SLC36A1: variants seen among roughly 807,000 people sequenced by gnomAD.
SLC36A1 encodes solute carrier family 36 member 1.
In SLC36A1, 30 loss-of-function variants were observed where a neutral mutation model predicts 47.5. That is an observed-to-expected ratio of 0.63 (90% CI 0.47 to 0.86). SLC36A1 has a LOEUF of 0.86. Among genes scored for constraint, SLC36A1 ranks in the 40% least tolerant of loss-of-function variants. The pLI, the probability that SLC36A1 is intolerant of heterozygous loss-of-function variation, is 0.00. For synonymous variants in SLC36A1, 255 were observed against 249.7 expected (o/e 1.02, Z -0.20); for missense variants, 517 against 606.0 (o/e 0.85, Z 1.54).
At chr5:151,415,515 C>T in the SLC36A1 span, among the ~76,000 whole-genome samples, 3 of 152,146 alleles carry the variant, frequency 2.0e-5, no homozygotes, top group Non-Finnish European at 2.9e-5. Flanking sequence ...CCCTTCAACT[C>T]GTAGCTTAAA....
In SLC36A1 at chr5:151,458,870, G is replaced by T; in HGVS notation, c.78G>T (p.Ser26=). 1 of 1,614,016 alleles carries T rather than the reference G, an allele frequency of 6.2e-7. No individual in the cohort carries two copies. Among genetic ancestry groups the T allele is most frequent in the South Asian group, 1.1e-5 (1 of 91,070 alleles). ...ACGTGAGCCCTGAGGAGAGCCCGTC[G>T]GAAGGCCTCAACAACCTCTCCTCCC... ...STDVSPEESP[S]EGLNNLSSPG... is the part of the protein sequence containing the mutation. The change falls in exon 2 of 11, where the codon TCG becomes TCT. Residue 26 remains serine (S), a synonymous_variant. Transcript: ENST00000243389.
chr5:151,483,268 G>C (rs537317185), intron 10 of SLC36A1, among the ~76,000 whole-genome samples: 11 of 152,150 alleles, frequency 7.2e-5, no homozygotes, highest in Non-Finnish European at 1.6e-4. Context: ...AGTTCCTTCT[G>C]TGAACATGAC....
chr5:151,438,485 T>C (rs554278427), intron 1 of SLC36A1, among the ~76,000 whole-genome samples: 3 of 152,296 alleles, frequency 2.0e-5, no homozygotes, highest in Admixed American at 6.5e-5. Flanking sequence ...TGGTACACCA[T>C]TGGCCACTGC....
the SLC36A1 span, among the ~76,000 whole-genome samples, chr5:151,547,699 G>T: frequency 6.6e-6 from 1 of 152,148 alleles, no homozygotes; most frequent in Non-Finnish European, 1.5e-5. Flanking sequence ...ATTAAAAGCA[G>T]CTAAGTCAAC....
the SLC36A1 span, chr5:151,544,739 G>A: frequency 6.2e-7 from 1 of 1,614,164 alleles, no homozygotes; most frequent in Admixed American, 1.7e-5. Context: ...TAATCAAAGG[G>A]TTTCTTGAGT....
chr5:151,435,802 TAAC>T (rs1322013979), upstream of SLC36A1, among the ~76,000 whole-genome samples: 3 of 151,594 alleles, frequency 2.0e-5, no homozygotes, highest in African/African-American at 4.8e-5. Flanking sequence ...TAGAATAAAA[TAAC>T]AAGGTAAATA....
intron 1 of SLC36A1, among the ~76,000 whole-genome samples, chr5:151,441,744 AT>A (rs546643939): frequency 6.6e-6 from 1 of 152,044 alleles, no homozygotes; most frequent in Non-Finnish European, 1.5e-5. Context: ...CTATTATATA[AT>A]TTTTTACTGA....
chr5:151,499,909 A>G, the SLC36A1 span, among the ~76,000 whole-genome samples: 1 of 149,660 alleles, frequency 6.7e-6, no homozygotes, highest in Non-Finnish European at 1.5e-5. Context: ...GCAAGTCCCC[A>G]CCCTGCCCCT....
the SLC36A1 span, among the ~76,000 whole-genome samples, chr5:151,405,960 AG>A: frequency 6.6e-6 from 1 of 152,192 alleles, no homozygotes; most frequent in South Asian, 2.1e-4. Context: ...CTTAAGAGTG[AG>A]GGCTTACAGA....
chr5:151,543,952 G>A, the SLC36A1 span: 1 of 1,614,144 alleles, frequency 6.2e-7, no homozygotes, highest in Non-Finnish European at 8.5e-7. Context: ...TCCACAGGTT[G>A]CCAGTTCACT....
chr5:151,346,042 C>T, the SLC36A1 span, among the ~76,000 whole-genome samples: 1 of 152,244 alleles, frequency 6.6e-6, no homozygotes, highest in Non-Finnish European at 1.5e-5. Context: ...CACGCTTACT[C>T]AGCCCGTTAT....
chr5:151,552,076 G>A, the SLC36A1 span, among the ~76,000 whole-genome samples: 5 of 151,432 alleles, frequency 3.3e-5, no homozygotes, highest in African/African-American at 1.2e-4. Context: ...CTTCTGATTG[G>A]TGGAACTTTA....
At chr5:151,411,017 G>T in the SLC36A1 span, among the ~76,000 whole-genome samples, 1 of 144,844 alleles carries the variant, frequency 6.9e-6, no homozygotes, top group Non-Finnish European at 1.5e-5. Flanking sequence ...TACCCATTCT[G>T]CTGACTCTAA....
rs1385382436 is a variant in SLC36A1, at chr5:151,454,102, TTTTTTG to T, written c.-5-4685_-5-4680del. On this transcript the variant is annotated intron_variant, in intron 1 of 10. Transcript: ENST00000243389. ...ACTTAAATTTTTTTTTTTTTTTTTT[TTTTTTG>T]GCCATCAAACTTGCAGACTTTTTTT... Among the ~76,000 whole-genome samples, 438 of 145,606 alleles carry T rather than the reference TTTTTTG, an allele frequency of 3.0e-3. 15 individuals are homozygous for T. Among genetic ancestry groups the T allele is most frequent in the Admixed American group, 0.023 (332 of 14,744 alleles).
At chr5:151,545,317 CGA>C in the SLC36A1 span, 1 of 1,613,922 alleles carries the variant, frequency 6.2e-7, no homozygotes, top group African/African-American at 1.3e-5. Context: ...GGTGAGCTTC[CGA>C]GAGAGTCCCA....
the SLC36A1 span, among the ~76,000 whole-genome samples, chr5:151,364,993 A>G: frequency 1.3e-5 from 2 of 152,142 alleles, no homozygotes; most frequent in Non-Finnish European, 2.9e-5. Context: ...TTATATGGCC[A>G]TCTCAGAACA....
At chr5:151,522,830 T>C in the SLC36A1 span, among the ~76,000 whole-genome samples, 2 of 152,186 alleles carry the variant, frequency 1.3e-5, no homozygotes, top group African/African-American at 4.8e-5. Context: ...CTGGAGCAAG[T>C]GGGCAGGGAA....
chr5:151,479,195 G>A (rs1348690204), intron 9 of SLC36A1, 125 bp from the exon 10 acceptor site: 18 of 998,416 alleles, frequency 1.8e-5, no homozygotes, highest in Admixed American at 1.3e-4. Flanking sequence ...TGCTGGGTCC[G>A]AAGGACATGT....
the SLC36A1 span, chr5:151,551,505 C>T: frequency 6.2e-7 from 1 of 1,614,216 alleles, no homozygotes; most frequent in East Asian, 2.2e-5. Flanking sequence ...GTCACCTCAA[C>T]AGTCAAGTTA....
Sources: allele counts gnomAD v4.1 joint callset (sites outside exome capture counted in the v4.1 genomes callset), GRCh38; gene constraint gnomAD v4.1.1; transcripts MANE v1.5; gene names NCBI Gene and HGNC (gene_info 2026-07-23, HGNC 2026-07-21).